IL12B: variants seen among roughly 807,000 people sequenced by gnomAD.
IL12B encodes interleukin-12 subunit beta.
In IL12B, 27 loss-of-function variants were observed where a neutral mutation model predicts 39.2. The observed-to-expected ratio is 0.69, with a 90% CI of 0.51 to 0.95. The LOEUF (loss-of-function observed/expected upper bound fraction) is 0.95. IL12B is among the 40% of genes least tolerant of loss of function. IL12B has a pLI of 0.00. For missense variants in IL12B, 351 were observed against 397.6 expected (o/e 0.88, Z 1.00); for synonymous variants, 142 against 152.1 (o/e 0.93, Z 0.49).
Position 159,323,093 on chromosome 5 carries a change from C to A in IL12B, c.325G>T (p.Asp109Tyr), listed in dbSNP as rs1395936414. The A allele has an allele frequency of 5.0e-6, 8 of 1,614,054 alleles. No homozygotes were observed. The highest frequency in any genetic ancestry group is 5.9e-6 in the Non-Finnish European group (7 of 1,180,022). ...AAAATATCAGTGGACCAAATTCCATCTTCCTTTTTGTGAAGCAGCAGGAGC... is the reference window on the plus strand; with the variant it reads ...AAAATATCAGTGGACCAAATTCCATATTCCTTTTTGTGAAGCAGCAGGAGC... Reference protein sequence around the residue: ...HSLLLLHKKEDGIWSTDILKD... With the variant: ...HSLLLLHKKEYGIWSTDILKD... The change falls in exon 3 of 8, where the codon GAT becomes TAT. Residue 109 changes from aspartate to tyrosine, a missense_variant. Asp to Tyr is a radical substitution (Grantham distance 160, BLOSUM62 -3). Coordinates refer to ENST00000231228, the MANE Select transcript of IL12B (RefSeq NM_002187.3).
intron 3 of IL12B, 103 bp downstream of exon 3, chr5:159,322,951 C>A: frequency 1.8e-6 from 2 of 1,126,066 alleles, no homozygotes; most frequent in Non-Finnish European, 2.7e-6. Flanking sequence ...GATGTTAATT[C>A]ATTACACTCA....
chr5:159,323,407 A>C, intron 2 of IL12B, 78 bp from the exon 3 acceptor site: 1 of 1,359,376 alleles, frequency 7.4e-7, no homozygotes, highest in Non-Finnish European at 1.0e-6. Flanking sequence ...CCCTTCGGGC[A>C]TCCCCATTGC....
intron 2 of IL12B, among the ~76,000 whole-genome samples, chr5:159,324,314 T>C (rs1021269798): frequency 6.6e-6 from 1 of 152,222 alleles, no homozygotes; most frequent in Non-Finnish European, 1.5e-5. Context: ...CTTTGAGGAA[T>C]GGCTTAGTAT....
intron 5 of IL12B, among the ~76,000 whole-genome samples, chr5:159,319,938 T>C (rs1354635270): frequency 1.3e-5 from 2 of 152,244 alleles, no homozygotes; most frequent in Non-Finnish European, 2.9e-5. Flanking sequence ...TTGGGAATAA[T>C]TGCCATTAGT....
intron 6 of IL12B, among the ~76,000 whole-genome samples, chr5:159,317,130 G>C (rs1291331176): frequency 1.3e-5 from 2 of 152,222 alleles, no homozygotes; most frequent in East Asian, 3.8e-4. Context: ...GTGAGAGAGA[G>C]ACAGATTTGC....
intron 1 of IL12B, among the ~76,000 whole-genome samples, chr5:159,327,835 T>C (rs1754218129): frequency 6.6e-6 from 1 of 152,186 alleles, no homozygotes; most frequent in African/African-American, 2.4e-5. Flanking sequence ...CACCATCTGA[T>C]ATAGAAACCA....
intron 4 of IL12B, among the ~76,000 whole-genome samples, chr5:159,320,931 GT>G (rs1030046085): frequency 1.3e-5 from 2 of 151,882 alleles, no homozygotes; most frequent in African/African-American, 4.8e-5. Context: ...CTCTCCACAG[GT>G]TTAAGTACTA....
At chr5:159,323,895 A>G (rs1754144065) in intron 2 of IL12B, among the ~76,000 whole-genome samples, 1 of 126,066 alleles carries the variant, frequency 7.9e-6, no homozygotes, top group Non-Finnish European at 1.6e-5. Flanking sequence ...TTGACTGAGG[A>G]TTAAATGAAA....
At chr5:159,316,911 G>A in intron 6 of IL12B, 95 bp from the exon 7 acceptor site, 1 of 1,420,740 alleles carries the variant, frequency 7.0e-7, no homozygotes, top group Non-Finnish European at 9.9e-7. Flanking sequence ...CCCAAAACAA[G>A]CCCATCTTGG....
At chr5:159,321,736 A>G (rs781443854) in intron 4 of IL12B, among the ~76,000 whole-genome samples, 6 of 152,336 alleles carry the variant, frequency 3.9e-5, no homozygotes, top group Non-Finnish European at 8.8e-5. Context: ...TGAGACCCCA[A>G]TGCTTAATTT....
At chr5:159,320,036 G>A (rs1197767227) in intron 5 of IL12B, among the ~76,000 whole-genome samples, 5 of 152,228 alleles carry the variant, frequency 3.3e-5, no homozygotes, top group Non-Finnish European at 7.3e-5. Flanking sequence ...GAATCAAAGT[G>A]CAGTAAAGAG....
Position 159,323,228 on chromosome 5 carries a change from G to A in IL12B, c.190C>T (p.Gln64Ter), listed in dbSNP as rs1754131090. ...CCAGAGCCTAAGACCTCACTGCTCT[G>A]GTCCAAGGTCCAGGTGATACCATCT... is the stretch of plus-strand genomic sequence containing the variant. ...EEDGITWTLD[Q>*]SSEVLGSGKT... Residue 64 changes from glutamine to a stop codon, truncating the protein, a stop_gained, in exon 3 of 8, where the codon CAG becomes TAG. Coordinates refer to ENST00000231228, the MANE Select transcript of IL12B (RefSeq NM_002187.3). LOFTEE classifies it high-confidence loss of function. 2 of 1,613,964 alleles carry A rather than the reference G, an allele frequency of 1.2e-6. No individual in the cohort carries two copies. The highest frequency in any genetic ancestry group is 1.3e-5 in the African/African-American group (1 of 74,894).
chr5:159,322,620 C>T (rs549752873), intron 3 of IL12B, 109 bp from the exon 4 acceptor site: 396 of 773,382 alleles, frequency 5.1e-4, no homozygotes, highest in African/African-American at 4.8e-3. Context: ...TTCTTCCATG[C>T]GTTGCCTCTT....
chr5:159,326,837 G>A (rs542188715), intron 1 of IL12B, 55 bp from the exon 2 acceptor site: 95 of 1,037,756 alleles, frequency 9.2e-5, no homozygotes, highest in Non-Finnish European at 1.1e-4. Flanking sequence ...GAAGGAAGAG[G>A]AAGAAAAAAG....
chr5:159,318,945 AGTG>A, intron 5 of IL12B, 52 bp from the exon 6 acceptor site: 1 of 1,533,856 alleles, frequency 6.5e-7, no homozygotes, highest in Non-Finnish European at 9.0e-7. Flanking sequence ...TTTGGAGTTC[AGTG>A]GTTTTGGCTT....
At position 159,323,261 on chromosome 5, in the gene IL12B, G is replaced by A. The variant is rs183111978; in HGVS notation, c.157C>T (p.Pro53Ser). 1 of 1,613,818 alleles carries A rather than the reference G, an allele frequency of 6.2e-7. No homozygotes were observed. The highest frequency in any genetic ancestry group is 2.2e-5 in the East Asian group (1 of 44,878). The change falls in exon 3 of 8, where the codon CCT becomes TCT. Residue 53 changes from proline (P) to serine (S), a missense_variant. By Grantham distance (74) the Pro-to-Ser change is moderately conservative. Transcript: ENST00000231228. ...GEMVVLTCDT[P>S]EEDGITWTLD... ...GTCCAGGTGATACCATCTTCTTCAG[G>A]GGTGTCACAGGTGAGGACCACCATT... is the stretch of plus-strand genomic sequence containing the variant.
chr5:159,327,580 G>A (rs551017598), intron 1 of IL12B, among the ~76,000 whole-genome samples: 3 of 152,272 alleles, frequency 2.0e-5, no homozygotes, highest in South Asian at 2.1e-4. Flanking sequence ...TACAACAGAC[G>A]GCTGAGTCCC....
At chr5:159,318,336 C>G (rs1219153290) in intron 6 of IL12B, among the ~76,000 whole-genome samples, 1 of 152,182 alleles carries the variant, frequency 6.6e-6, no homozygotes, top group Admixed American at 6.5e-5. Context: ...CACATAATAA[C>G]ATTTCAGTCA....
At chr5:159,320,231 A>G in intron 5 of IL12B, 75 bp downstream of exon 5, 10 of 1,257,214 alleles carry the variant, frequency 8.0e-6, no homozygotes, top group Non-Finnish European at 1.2e-5. Context: ...CCTACCCCAC[A>G]GTGCATGGGG....
Sources: allele counts gnomAD v4.1 joint callset (sites outside exome capture counted in the v4.1 genomes callset), GRCh38; gene constraint gnomAD v4.1.1; transcripts MANE v1.5; gene names NCBI Gene and HGNC (gene_info 2026-07-23, HGNC 2026-07-21).